GPC5: variants seen among roughly 807,000 people sequenced by gnomAD.
GPC5 encodes the protein glypican 5.
A neutral mutation model predicts 53.9 loss-of-function variants in GPC5; 47 were observed. That is an observed-to-expected ratio of 0.87 (90% confidence interval 0.69 to 1.11). The LOEUF is 1.11. Ranked by LOEUF, GPC5 falls within the 50% of genes most tolerant of loss-of-function variation. The probability of loss-of-function intolerance (pLI) is 0.00; values close to 1 mark genes in which losing one functional copy is unlikely to be tolerated. For missense variants in GPC5, 748 were observed against 713.1 expected, an observed-to-expected ratio of 1.05 and a Z score of -0.56; for synonymous variants, 286 against 263.3, an observed-to-expected ratio of 1.09 and a Z score of -0.84.
chr13:91,436,843 A>C, intron 1 of GPC5, among the ~76,000 whole-genome samples: 1 of 152,270 alleles, frequency 6.6e-6, no homozygotes, highest in South Asian at 2.1e-4. Flanking sequence ...TAGGTCTCTA[A>C]GTACTTGCTG....
At chr13:91,609,212 G>T (rs1051257974) in intron 2 of GPC5, among the ~76,000 whole-genome samples, 2 of 151,236 alleles carry the variant, frequency 1.3e-5, no homozygotes, top group Non-Finnish European at 2.9e-5. Flanking sequence ...AATCTAATAA[G>T]ATTCGAATGC....
At chr13:92,287,677 G>T (rs539058822) in intron 7 of GPC5, among the ~76,000 whole-genome samples, 2 of 152,198 alleles carry the variant, frequency 1.3e-5, no homozygotes, top group East Asian at 1.9e-4. Context: ...ATGACAAGTT[G>T]CTTTTCTTGC....
At chr13:92,408,470 A>G (rs1371603804) in intron 7 of GPC5, among the ~76,000 whole-genome samples, 1 of 152,100 alleles carries the variant, frequency 6.6e-6, no homozygotes, top group African/African-American at 2.4e-5. Flanking sequence ...GAAGTTTATT[A>G]GCATTATGTT....
intron 7 of GPC5, among the ~76,000 whole-genome samples, chr13:92,772,673 A>G (rs959509372): frequency 2.6e-5 from 4 of 152,166 alleles, no homozygotes; most frequent in African/African-American, 9.7e-5. Flanking sequence ...TCTCCATGGA[A>G]AGGAAGCTCC....
intron 2 of GPC5, among the ~76,000 whole-genome samples, chr13:91,561,690 A>C (rs1410057793): frequency 6.6e-6 from 1 of 152,096 alleles, no homozygotes; most frequent in African/African-American, 2.4e-5. Flanking sequence ...GTCTGTGCAG[A>C]AGTTAGGTGG....
chr13:92,848,825 G>T (rs890373912), intron 7 of GPC5, among the ~76,000 whole-genome samples: 9 of 152,166 alleles, frequency 5.9e-5, no homozygotes, highest in African/African-American at 2.2e-4. Context: ...GGAAAACTAT[G>T]CACTGCATTA....
intron 7 of GPC5, among the ~76,000 whole-genome samples, chr13:92,601,165 A>C (rs1370681918): frequency 6.6e-6 from 1 of 152,190 alleles, no homozygotes; most frequent in African/African-American, 2.4e-5. Flanking sequence ...ACATGTCTTG[A>C]ATTTAATTAT....
intron 6 of GPC5, among the ~76,000 whole-genome samples, chr13:92,091,372 T>C (rs1299980454): frequency 6.6e-6 from 1 of 152,246 alleles, no homozygotes; most frequent in South Asian, 2.1e-4. Flanking sequence ...AGGATTAAGA[T>C]TTTCTAATAC....
At chr13:91,972,346 A>G (rs368314607) in intron 6 of GPC5, among the ~76,000 whole-genome samples, 1 of 151,946 alleles carries the variant, frequency 6.6e-6, no homozygotes, top group Non-Finnish European at 1.5e-5. Flanking sequence ...CCTTTATTTT[A>G]AGCCTATGTG....
chr13:92,659,187 C>T (rs1886250061), intron 7 of GPC5: 1 of 151,868 alleles, frequency 6.6e-6, no homozygotes, highest in South Asian at 2.1e-4. Flanking sequence ...CTCGGCCTCC[C>T]AAAGTGCTGG....
intron 2 of GPC5, among the ~76,000 whole-genome samples, chr13:91,536,379 G>T (rs1886592982): frequency 1.3e-5 from 2 of 152,154 alleles, no homozygotes; most frequent in African/African-American, 4.8e-5. Context: ...GTGGCCTCGA[G>T]AAATAACAGC....
At chr13:92,109,135 CG>C (rs2041535855) in intron 6 of GPC5, among the ~76,000 whole-genome samples, 1 of 139,466 alleles carries the variant, frequency 7.2e-6, no homozygotes, top group Non-Finnish European at 1.5e-5. Flanking sequence ...GGCACAATCT[CG>C]GCTCACTGCA....
intron 7 of GPC5, among the ~76,000 whole-genome samples, chr13:92,193,358 TTA>T (rs373116468): frequency 2.6e-5 from 4 of 152,278 alleles, no homozygotes; most frequent in African/African-American, 9.6e-5. Flanking sequence ...ATATTTGCAT[TTA>T]TATTATGAAA....
chr13:92,516,645 G>A (rs150254155), intron 7 of GPC5, among the ~76,000 whole-genome samples: 15 of 152,242 alleles, frequency 9.9e-5, no homozygotes, highest in East Asian at 3.9e-4. Flanking sequence ...GCCTAGGAAC[G>A]TCCTTGTTTT....
intron 2 of GPC5, among the ~76,000 whole-genome samples, chr13:91,663,926 C>T (rs767923640): frequency 2.0e-5 from 3 of 152,140 alleles, no homozygotes; most frequent in African/African-American, 2.4e-5. Context: ...ATCTTCTTGC[C>T]TCAGCCTCCT....
chr13:92,704,842 CTT>C (rs1451106859), intron 7 of GPC5, among the ~76,000 whole-genome samples: 29 of 106,658 alleles, frequency 2.7e-4, no homozygotes, highest in Admixed American at 2.1e-3. Flanking sequence ...CACACACACT[CTT>C]AGTGTGTAAA....
intron 2 of GPC5, among the ~76,000 whole-genome samples, chr13:91,458,004 T>C (rs1160262466): frequency 6.6e-6 from 1 of 152,080 alleles, no homozygotes; most frequent in Non-Finnish European, 1.5e-5. Flanking sequence ...CAAGTTAGGA[T>C]GTATTAAATG....
intron 7 of GPC5, among the ~76,000 whole-genome samples, chr13:92,205,276 C>T (rs1376585349): frequency 6.6e-6 from 1 of 152,064 alleles, no homozygotes; most frequent in Non-Finnish European, 1.5e-5. Context: ...TCTTGGAGAC[C>T]TAGAGTTTTT....
intron 6 of GPC5, among the ~76,000 whole-genome samples, chr13:91,972,996 GAA>G (rs1177294450): frequency 6.6e-6 from 1 of 152,118 alleles, no homozygotes; most frequent in African/African-American, 2.4e-5. Flanking sequence ...TGTATTTCCT[GAA>G]TCTGAATGTT....
Sources: gnomAD v4.1 joint callset for allele counts (sites outside exome capture counted in the v4.1 genomes callset) on GRCh38, gnomAD v4.1.1 for gene constraint, MANE v1.5 for transcripts, NCBI Gene and HGNC (gene_info 2026-07-23, HGNC 2026-07-21) for gene names.